Variants in OSBPL6 observed in about 807,000 individuals in gnomAD.
OSBPL6 encodes oxysterol binding protein like 6.
Under a neutral mutation model 125.8 loss-of-function variants are expected in OSBPL6, and 49 were observed. The observed-to-expected ratio is 0.39, with a 90% CI of 0.31 to 0.49. OSBPL6 has a LOEUF of 0.49. OSBPL6 is among the 20% of genes least tolerant of loss of function. OSBPL6 has a pLI of 0.88. For synonymous variants in OSBPL6, 394 were observed against 391.8 expected, an observed-to-expected ratio of 1.01 and a Z score of -0.07; for missense variants, 986 against 1,135.4, an observed-to-expected ratio of 0.87 and a Z score of 1.89.
intron 3 of OSBPL6, among the ~76,000 whole-genome samples, chr2:178,317,613 T>C: frequency 6.6e-6 from 1 of 151,180 alleles, no homozygotes. Context: ...AAATATTTGC[T>C]GAAAGAATGA....
At chr2:178,357,718 G>A (rs1691937253) in intron 12 of OSBPL6, among the ~76,000 whole-genome samples, 3 of 152,160 alleles carry the variant, frequency 2.0e-5, no homozygotes, top group African/African-American at 7.2e-5. Context: ...ATTTGACCTA[G>A]CAATCCCGTT....
intron 3 of OSBPL6, among the ~76,000 whole-genome samples, chr2:178,317,645 T>C (rs993813436): frequency 6.6e-6 from 1 of 151,392 alleles, no homozygotes; most frequent in Non-Finnish European, 1.5e-5. Flanking sequence ...ATATGAATGA[T>C]ATGCTCTCAG....
intron 1 of OSBPL6, among the ~76,000 whole-genome samples, chr2:178,200,918 C>T (rs1325027241): frequency 2.0e-5 from 3 of 151,990 alleles, no homozygotes; most frequent in Non-Finnish European, 4.4e-5. Context: ...GCCTCAGCCT[C>T]CCGAGTAGCT....
chr2:178,250,658 C>T (rs533555971), intron 1 of OSBPL6, among the ~76,000 whole-genome samples: 1 of 152,196 alleles, frequency 6.6e-6, no homozygotes, highest in Non-Finnish European at 1.5e-5. Flanking sequence ...CACTCCTGGG[C>T]TCCATTCTCC....
Position 178,232,198 on chromosome 2 carries a change from T to C in OSBPL6, c.-351+37524T>C, listed in dbSNP as rs2090860776. ...GCTTATTCTAGAATCTGGTCTAAGATAATGAAGATATATTTTTATAACATC... is the reference window on the plus strand; with the variant it reads ...GCTTATTCTAGAATCTGGTCTAAGACAATGAAGATATATTTTTATAACATC... On this transcript the variant is annotated intron_variant, in intron 1 of 24. Transcript: ENST00000190611. 5.3e-5 allele frequency among the ~76,000 whole-genome samples: 8 copies of C among 152,372 alleles called. No individual in the cohort carries two copies. The South Asian group carries it at 1.7e-3, about 32-fold the overall frequency.
At chr2:178,194,187 G>C (rs375638797), upstream of OSBPL6, among the ~76,000 whole-genome samples, 3 of 152,186 alleles carry the variant, frequency 2.0e-5, no homozygotes, top group Non-Finnish European at 4.4e-5. Context: ...TGGCAACTCG[G>C]GGTTTCCACT....
chr2:178,352,982 A>C (rs187201076), intron 12 of OSBPL6, among the ~76,000 whole-genome samples: 48 of 152,342 alleles, frequency 3.2e-4, no homozygotes, highest in African/African-American at 1.0e-3. Flanking sequence ...GCAAACTCCA[A>C]CAGACCTGCA....
At chr2:178,260,019 A>G (rs1182679116) in intron 1 of OSBPL6, among the ~76,000 whole-genome samples, 1 of 152,208 alleles carries the variant, frequency 6.6e-6, no homozygotes, top group Non-Finnish European at 1.5e-5. Flanking sequence ...AGGAGATGCA[A>G]AATGGTAATC....
intron 1 of OSBPL6, among the ~76,000 whole-genome samples, chr2:178,261,827 A>AGGG (rs2092075442): frequency 6.6e-6 from 1 of 152,248 alleles, no homozygotes; most frequent in African/African-American, 2.4e-5. Context: ...CACTTTGAAC[A>AGGG]CTTTCTTGGA....
At chr2:178,278,948 A>G (rs2154029219) in intron 1 of OSBPL6, among the ~76,000 whole-genome samples, 1 of 152,254 alleles carries the variant, frequency 6.6e-6, no homozygotes, top group East Asian at 1.9e-4. Context: ...TGAACCCTAA[A>G]TTAAGACCAA....
At chr2:178,383,330 C>A (rs1694658799) in intron 17 of OSBPL6, 53 bp downstream of exon 17, 1 of 1,578,078 alleles carries the variant, frequency 6.3e-7, no homozygotes, top group East Asian at 2.3e-5. Flanking sequence ...AACCCTAGAC[C>A]TGGGCTAAGC....
intron 5 of OSBPL6, 112 bp from the exon 6 acceptor site, chr2:178,331,438 TAA>T (rs1689186233): frequency 4.5e-6 from 5 of 1,118,968 alleles, no homozygotes; most frequent in East Asian, 2.4e-5. Context: ...CCAGATACAT[TAA>T]AATGATCAAA....
At position 178,397,233 on chromosome 2, in the gene OSBPL6, C is replaced by A. The variant is rs937038378; in HGVS notation, c.*1674C>A. ...CGCAATATTTTATTTATCCAAAACT[C>A]CTCCCTTGCATCTGAGTTTTTATGT... is the stretch of plus-strand genomic sequence containing the variant. On this transcript the variant is annotated 3_prime_UTR_variant, in exon 25 of 25. Coordinates refer to ENST00000190611, the MANE Select transcript of OSBPL6 (RefSeq NM_032523.4). The A allele has an allele frequency of 1.3e-5, 2 of 152,120 alleles. No individual in the cohort carries two copies. Among genetic ancestry groups the A allele is most frequent in the Non-Finnish European group, 2.9e-5 (2 of 68,008 alleles). The allele number at this position is 152,120 out of a possible 1,614,324, so 9.4% of individuals were successfully genotyped here. A position where few individuals can be genotyped will look rare whatever the true frequency, so the allele number is the denominator to read the frequency against.
chr2:178,361,726 AAGG>A lies in OSBPL6; in HGVS notation c.1201_1203del (p.Glu401del). ...TGCATTTAATAGCATAGCTATAGAG[AAGG>A]AGAAGCTGAAGCAGATGGTTTCCGA... On this transcript the variant is annotated inframe_deletion, in exon 13 of 25. Coordinates refer to ENST00000190611, the MANE Select transcript of OSBPL6 (RefSeq NM_032523.4). The A allele has an allele frequency of 6.2e-7, 1 of 1,614,072 alleles. No homozygotes were observed. The highest frequency in any genetic ancestry group is 8.5e-7 in the Non-Finnish European group (1 of 1,179,994).
At chr2:178,394,503 C>A in intron 24 of OSBPL6, 68 bp downstream of exon 24, 1 of 1,502,780 alleles carries the variant, frequency 6.7e-7, no homozygotes, top group East Asian at 2.3e-5. Context: ...TGAGAAACTC[C>A]AGTTAAATGA....
chr2:178,283,219 G>A (rs1684386448), intron 1 of OSBPL6, among the ~76,000 whole-genome samples: 1 of 152,048 alleles, frequency 6.6e-6, no homozygotes, highest in Admixed American at 6.6e-5. Flanking sequence ...AAGTGGAAGG[G>A]GAGTTAGAAC....
At chr2:178,241,348 G>A (rs1254688667) in intron 1 of OSBPL6, among the ~76,000 whole-genome samples, 1 of 149,946 alleles carries the variant, frequency 6.7e-6, no homozygotes, top group Non-Finnish European at 1.5e-5. Context: ...TCCTGACCTC[G>A]TGGTCCTCCC....
intron 12 of OSBPL6, among the ~76,000 whole-genome samples, chr2:178,352,334 C>T (rs1473434824): frequency 2.0e-5 from 3 of 152,156 alleles, no homozygotes; most frequent in Non-Finnish European, 4.4e-5. Flanking sequence ...ATTTCCTAAC[C>T]GAGGGAAGCC....
At chr2:178,235,660 C>A (rs1014949195) in intron 1 of OSBPL6, among the ~76,000 whole-genome samples, 1 of 152,176 alleles carries the variant, frequency 6.6e-6, no homozygotes, top group African/African-American at 2.4e-5. Flanking sequence ...CCTGCCTTGG[C>A]CTCCCAAAGT....
Sources: allele counts gnomAD v4.1 joint callset (sites outside exome capture counted in the v4.1 genomes callset), GRCh38; gene constraint gnomAD v4.1.1; transcripts MANE v1.5; gene names NCBI Gene and HGNC (gene_info 2026-07-23, HGNC 2026-07-21).